The following ARID5B variants were observed in gnomAD, a reference collection of about 807,000 sequenced individuals.
ARID5B encodes the protein AT-rich interaction domain 5B, also known as AT-rich interactive domain-containing protein 5B.
ARID5B carries 13 observed loss-of-function variants against 97.2 expected under a neutral mutation model. The ratio of observed to expected loss-of-function variants is 0.13; its 90% CI spans 0.09 to 0.21. ARID5B has a LOEUF of 0.21. Among genes scored for constraint, ARID5B ranks in the 10% least tolerant of loss-of-function variants. ARID5B has a pLI of 1.00. For missense variants in ARID5B, 1,210 were observed against 1,465.3 expected (o/e 0.83, Z 2.84); for synonymous variants, 556 against 570.3 (o/e 0.97, Z 0.36).
chr10:62,043,853 A>T (rs1839671863), intron 4 of ARID5B, among the ~76,000 whole-genome samples: 1 of 152,276 alleles, frequency 6.6e-6, no homozygotes, highest in Admixed American at 6.5e-5. Flanking sequence ...TGGATTACAA[A>T]AGTGTTTACT....
intron 3 of ARID5B, among the ~76,000 whole-genome samples, chr10:61,947,689 C>A (rs1838258430): frequency 6.6e-6 from 1 of 152,044 alleles, no homozygotes; most frequent in Non-Finnish European, 1.5e-5. Flanking sequence ...TGAATATTGC[C>A]TTGTAATAGT....
At chr10:62,037,306 G>A (rs1179130385) in intron 4 of ARID5B, among the ~76,000 whole-genome samples, 1 of 152,128 alleles carries the variant, frequency 6.6e-6, no homozygotes, top group Non-Finnish European at 1.5e-5. Flanking sequence ...TTTTAAAATT[G>A]CCCTTCTGTT....
At chr10:61,965,979 T>A (rs1481679132) in intron 3 of ARID5B, among the ~76,000 whole-genome samples, 2 of 152,354 alleles carry the variant, frequency 1.3e-5, no homozygotes, top group East Asian at 3.9e-4. Context: ...GATGAAAATC[T>A]AATCCTGTTC....
chr10:62,036,248 A>C (rs1839562793), intron 4 of ARID5B, among the ~76,000 whole-genome samples: 1 of 152,088 alleles, frequency 6.6e-6, no homozygotes, highest in South Asian at 2.1e-4. Context: ...TGTGCTTGGG[A>C]CCTCTGAGGC....
chr10:62,016,171 C>T (rs1277823495), intron 4 of ARID5B, among the ~76,000 whole-genome samples: 1 of 152,216 alleles, frequency 6.6e-6, no homozygotes, highest in African/African-American at 2.4e-5. Flanking sequence ...AGCGCTCAGC[C>T]TGTTACAGAG....
intron 8 of ARID5B, among the ~76,000 whole-genome samples, chr10:62,074,739 T>C (rs540908636): frequency 1.3e-5 from 2 of 152,132 alleles, no homozygotes; most frequent in Admixed American, 6.5e-5. Flanking sequence ...CATCTCAGAA[T>C]TGTATATTTA....
At position 62,009,470 on chromosome 10, in the gene ARID5B, T is replaced by A. The variant is rs563828341; in HGVS notation, c.733+9149T>A. 7.9e-5 allele frequency among the ~76,000 whole-genome samples: 12 copies of A among 152,246 alleles called. No individual in the cohort carries two copies. The East Asian group carries it at 2.3e-3, about 29-fold the overall frequency. ...ACATGGAGCAAGAGGCCATTACAAA[T>A]GTTCTTTGTAATCCTCTTAAAAATC... On this transcript the variant is annotated intron_variant, in intron 4 of 9. Coordinates refer to ENST00000279873, the MANE Select transcript of ARID5B (RefSeq NM_032199.3).
chr10:62,052,390 CAAG>C (rs1296751354), intron 5 of ARID5B, among the ~76,000 whole-genome samples: 1 of 152,154 alleles, frequency 6.6e-6, no homozygotes, highest in Admixed American at 6.5e-5. Context: ...CAGAATGGCG[CAAG>C]AAGGTTTCAA....
At chr10:62,058,841 T>A (rs566115838) in intron 6 of ARID5B, among the ~76,000 whole-genome samples, 1 of 152,322 alleles carries the variant, frequency 6.6e-6, no homozygotes, top group African/African-American at 2.4e-5. Context: ...TGGAGAGTTC[T>A]TATATGAGAG....
intron 3 of ARID5B, among the ~76,000 whole-genome samples, chr10:61,960,603 T>G (rs1007091642): frequency 6.0e-5 from 9 of 150,948 alleles, no homozygotes; most frequent in African/African-American, 2.2e-4. Flanking sequence ...TTGGCCAAAA[T>G]GTAGCCTGCC....
chr10:62,056,376 T>C (rs751546148), intron 5 of ARID5B, among the ~76,000 whole-genome samples: 1 of 152,192 alleles, frequency 6.6e-6, no homozygotes, highest in Non-Finnish European at 1.5e-5. Context: ...CATTAAACAG[T>C]GAGATCTTTT....
chr10:62,046,026 T>A (rs1839703747), intron 4 of ARID5B, among the ~76,000 whole-genome samples: 1 of 152,198 alleles, frequency 6.6e-6, no homozygotes, highest in South Asian at 2.1e-4. Flanking sequence ...TACCAACAAG[T>A]AAATCCTATC....
chr10:61,985,728 C>T (rs964376645), intron 3 of ARID5B, among the ~76,000 whole-genome samples: 7 of 151,878 alleles, frequency 4.6e-5, no homozygotes, highest in African/African-American at 1.2e-4. Flanking sequence ...GTGTGAGCTA[C>T]GTGTGTATGA....
intron 4 of ARID5B, chr10:62,049,294 T>G: frequency 1.4e-6 from 2 of 1,468,940 alleles, no homozygotes; most frequent in Non-Finnish European, 1.8e-6. Flanking sequence ...GCTGTGTGTT[T>G]ACATGAGTAA....
At chr10:62,041,082 A>G (rs906341307) in intron 4 of ARID5B, among the ~76,000 whole-genome samples, 2 of 152,122 alleles carry the variant, frequency 1.3e-5, no homozygotes, top group Non-Finnish European at 2.9e-5. Flanking sequence ...CTTAGTTAAC[A>G]TGTCACCAGG....
intron 4 of ARID5B, among the ~76,000 whole-genome samples, chr10:62,028,580 C>T (rs980403928): frequency 1.3e-5 from 2 of 152,116 alleles, no homozygotes; most frequent in African/African-American, 4.8e-5. Flanking sequence ...CCTCAGTTTC[C>T]TCATTTCTAA....
rs376694785 is a variant in ARID5B at position 62,045,065 on chromosome 10, T to C, written c.734-5823T>C. On this transcript the variant is annotated intron_variant, in intron 4 of 9. Coordinates refer to ENST00000279873, the MANE Select transcript of ARID5B (RefSeq NM_032199.3). ...GATTTGAAATAAAAATTTCAGGGAC[T>C]TATTTATGAATTTTTAAATATTGGC... Among the ~76,000 whole-genome samples, 20 of 152,358 alleles carry C rather than the reference T, an allele frequency of 1.3e-4. No homozygotes were observed. The East Asian group carries it at 2.9e-3, about 22-fold the overall frequency.
chr10:62,050,112 G>A (rs1839767321), intron 4 of ARID5B, among the ~76,000 whole-genome samples: 1 of 151,544 alleles, frequency 6.6e-6, no homozygotes. Context: ...CAGCATCAAG[G>A]ATGAAATAGA....
chr10:61,986,835 G>T (rs1838853908), intron 3 of ARID5B, among the ~76,000 whole-genome samples: 1 of 152,152 alleles, frequency 6.6e-6, no homozygotes, highest in Non-Finnish European at 1.5e-5. Flanking sequence ...TTCACTGTGT[G>T]CTACATTAGC....
Sources: allele counts gnomAD v4.1 joint callset (sites outside exome capture counted in the v4.1 genomes callset), GRCh38; gene constraint gnomAD v4.1.1; transcripts MANE v1.5; gene names NCBI Gene and HGNC (gene_info 2026-07-23, HGNC 2026-07-21).